Variants in ESR1 observed in about 807,000 individuals in gnomAD.
ESR1 encodes the protein estrogen receptor 1.
Under a neutral mutation model 52.7 loss-of-function variants are expected in ESR1, and 12 were observed. The ratio of observed to expected loss-of-function variants is 0.23; its 90% CI spans 0.15 to 0.37. ESR1 has a LOEUF of 0.37. Ranked by LOEUF, ESR1 falls within the 10% of genes least tolerant of loss-of-function variation. The probability of loss-of-function intolerance (pLI) is 1.00; values close to 1 mark genes in which losing one functional copy is unlikely to be tolerated. For missense variants in ESR1, 584 were observed against 779.7 expected (o/e 0.75, Z 2.99); for synonymous variants, 305 against 316.8 (o/e 0.96, Z 0.39).
intron 2 of ESR1, among the ~76,000 whole-genome samples, chr6:151,775,311 C>A (rs1334443865): frequency 6.6e-6 from 1 of 152,152 alleles, no homozygotes; most frequent in Non-Finnish European, 1.5e-5. Flanking sequence ...CGCTCAGTAT[C>A]CCTAATCTGA....
intron 6 of ESR1, among the ~76,000 whole-genome samples, chr6:152,092,480 T>C (rs1016319550): frequency 6.6e-6 from 1 of 152,184 alleles, no homozygotes; most frequent in Non-Finnish European, 1.5e-5. Flanking sequence ...ACGTGAGCAG[T>C]AACTTGTCAC....
chr6:152,035,346 T>G (rs1421516980), intron 5 of ESR1, among the ~76,000 whole-genome samples: 1 of 151,598 alleles, frequency 6.6e-6, no homozygotes, highest in East Asian at 1.9e-4. Flanking sequence ...CAATCAAAAC[T>G]ATCATGTATT....
chr6:151,680,616 C>G (rs1778422399), intron 1 of ESR1, among the ~76,000 whole-genome samples: 1 of 152,180 alleles, frequency 6.6e-6, no homozygotes. Flanking sequence ...ACCTAATCAC[C>G]TTCCAAAGGC....
At chr6:151,859,320 T>C (rs547538321) in intron 2 of ESR1, among the ~76,000 whole-genome samples, 1 of 152,354 alleles carries the variant, frequency 6.6e-6, no homozygotes, top group Non-Finnish European at 1.5e-5. Context: ...TATGTCACCA[T>C]AGAAAAATAG....
chr6:151,669,147 G>GGGGAGAGAGAGAGAGAGA (rs1554231683), intron 1 of ESR1, among the ~76,000 whole-genome samples: 5 of 69,298 alleles, frequency 7.2e-5, no homozygotes, highest in African/African-American at 4.2e-4. Context: ...TTGGGAGCTG[G>GGGGAGAGAGAGAGAGAGA]GAGAGAGAGA....
intron 2 of ESR1, among the ~76,000 whole-genome samples, chr6:151,756,555 C>T (rs1784302041): frequency 6.6e-6 from 1 of 152,196 alleles, no homozygotes; most frequent in Non-Finnish European, 1.5e-5. Context: ...TCTCTCTACA[C>T]TAGAATATAA....
intron 2 of ESR1, among the ~76,000 whole-genome samples, chr6:151,722,732 CA>C (rs1220739104): frequency 6.6e-6 from 1 of 152,158 alleles, no homozygotes; most frequent in African/African-American, 2.4e-5. Context: ...AACTTTTAAG[CA>C]AACTAAATTT....
chr6:151,710,218 GTT>G (rs1780492330), intron 2 of ESR1, among the ~76,000 whole-genome samples: 1 of 150,406 alleles, frequency 6.6e-6, no homozygotes, highest in Non-Finnish European at 1.5e-5. Context: ...CATTTGGCAA[GTT>G]TGATGCTCCC....
rs540458861 is a variant in ESR1 at position 151,863,838 on chromosome 6, T to C, written c.644-16817T>C. 4.1e-3 allele frequency among the ~76,000 whole-genome samples: 619 copies of C among 152,302 alleles called. 2 individuals are homozygous for C. Among genetic ancestry groups the C allele is most frequent in the African/African-American group, 0.014 (584 of 41,570 alleles). ...GGATTCCCTATTTAATAAATAGTGC[T>C]GGGAAAACTGGCTAGCCATATGTAG... is the stretch of plus-strand genomic sequence containing the variant. On this transcript the variant is annotated intron_variant, in intron 2 of 7. Transcript: ENST00000206249.
chr6:151,997,914 A>G (rs1345390905), intron 4 of ESR1, among the ~76,000 whole-genome samples: 1 of 152,152 alleles, frequency 6.6e-6, no homozygotes, highest in Admixed American at 6.5e-5. Context: ...GGAGGGAAAG[A>G]GCGCTTAGAG....
chr6:151,897,258 G>A (rs9371561), intron 3 of ESR1, among the ~76,000 whole-genome samples: 2,515 of 152,200 alleles, frequency 0.017, 68 homozygotes, highest in East Asian at 0.095. Context: ...TTGATGACCT[G>A]TCTAGTATTG....
intron 3 of ESR1, among the ~76,000 whole-genome samples, chr6:151,924,301 A>C (rs2032280528): frequency 6.6e-6 from 1 of 152,184 alleles, no homozygotes; most frequent in Admixed American, 6.6e-5. Flanking sequence ...CTGGCCTCCC[A>C]AAGTGCTGGG....
chr6:152,020,663 C>A lies in ESR1; in HGVS notation c.1235+8869C>A, dbSNP rs1312498570. On this transcript the variant is annotated intron_variant, in intron 5 of 7. Coordinates refer to ENST00000206249, the MANE Select transcript of ESR1 (RefSeq NM_000125.4). ...ATGGGGTTTTGCCACGTTGGCCAGG[C>A]TGGTCTGGAACTCCTGGCCTCAAGT... Among the ~76,000 whole-genome samples the A allele has an allele frequency of 2.0e-5, 3 of 152,094 alleles. No homozygotes were observed. In the East Asian group the frequency reaches 5.8e-4, roughly 30 times the overall value.
intron 2 of ESR1, among the ~76,000 whole-genome samples, chr6:151,705,935 T>G (rs1313847690): frequency 2.6e-5 from 4 of 152,188 alleles, no homozygotes; most frequent in African/African-American, 9.6e-5. Context: ...CCTAACAAGG[T>G]CACACAGTGG....
chr6:152,078,241 C>T (rs2048903727), intron 6 of ESR1, among the ~76,000 whole-genome samples: 1 of 152,198 alleles, frequency 6.6e-6, no homozygotes, highest in Admixed American at 6.5e-5. Flanking sequence ...TCTCTTGCTG[C>T]TGCCATGTAA....
intron 2 of ESR1, among the ~76,000 whole-genome samples, chr6:151,722,118 G>A (rs528423149): frequency 6.6e-6 from 1 of 152,358 alleles, no homozygotes; most frequent in South Asian, 2.1e-4. Context: ...ATTGAGGTCA[G>A]GAAGGGTATA....
At chr6:152,031,242 A>G (rs1406996442) in intron 5 of ESR1, among the ~76,000 whole-genome samples, 1 of 152,254 alleles carries the variant, frequency 6.6e-6, no homozygotes, top group Non-Finnish European at 1.5e-5. Flanking sequence ...GAGAAGCAAG[A>G]GCAAACACGT....
intron 2 of ESR1, among the ~76,000 whole-genome samples, chr6:151,782,005 T>A (rs922773340): frequency 6.6e-5 from 10 of 152,232 alleles, no homozygotes; most frequent in African/African-American, 2.2e-4. Flanking sequence ...ATGGGAAAAG[T>A]TCTTCATTAA....
rs1582981037 is a variant in ESR1 at position 151,712,315 on chromosome 6, G to T, written c.-71+10310G>T. Among the ~76,000 whole-genome samples the T allele has an allele frequency of 3.3e-5, 5 of 152,048 alleles. No homozygotes were observed. The East Asian group carries it at 9.6e-4, about 29-fold the overall frequency. Reference sequence around the variant, plus strand: ...TTTCTTTTAGCATAGGATTTTCTTGGCTATACGGGCTTTTTTTTGGTTCCA... The same window carrying T: ...TTTCTTTTAGCATAGGATTTTCTTGTCTATACGGGCTTTTTTTTGGTTCCA... On this transcript the variant is annotated intron_variant, in intron 2 of 2. Coordinates refer to the ESR1 transcript ENST00000404742.
Sources: allele counts gnomAD v4.1 joint callset (sites outside exome capture counted in the v4.1 genomes callset), GRCh38; gene constraint gnomAD v4.1.1; transcripts MANE v1.5; gene names NCBI Gene and HGNC (gene_info 2026-07-23, HGNC 2026-07-21).